The following ATP8A2 variants were observed in gnomAD, a reference collection of about 807,000 sequenced individuals.
The protein encoded by ATP8A2 is ATPase phospholipid transporting 8A2.
ATP8A2 carries 100 observed loss-of-function variants against 165.6 expected under a neutral mutation model. That is an observed-to-expected ratio of 0.60 (90% CI 0.51 to 0.71). The LOEUF (loss-of-function observed/expected upper bound fraction) is 0.71, where lower values mean the gene tolerates loss of function less well. Ranked by LOEUF, ATP8A2 falls within the 30% of genes least tolerant of loss-of-function variation. The pLI is 0.00. For missense variants in ATP8A2, 1,227 were observed against 1,479.5 expected (o/e 0.83, Z 2.80); for synonymous variants, 543 against 548.8 (o/e 0.99, Z 0.15).
At chr13:25,578,080 G>A (rs1209220745) in intron 20 of ATP8A2, among the ~76,000 whole-genome samples, 4 of 152,174 alleles carry the variant, frequency 2.6e-5, no homozygotes, top group Non-Finnish European at 4.4e-5. Context: ...TGTGTTCTAA[G>A]TACCACATCG....
At chr13:25,591,622 C>G (rs6491073) in intron 24 of ATP8A2, among the ~76,000 whole-genome samples, 89,481 of 145,686 alleles carry the variant, frequency 0.61, 28,629 homozygotes, top group Middle Eastern at 0.72. Context: ...GTCTCACTCT[C>G]TTGCCAGGTT....
At chr13:25,787,430 G>A (rs1237108067) in intron 27 of ATP8A2, among the ~76,000 whole-genome samples, 1 of 152,130 alleles carries the variant, frequency 6.6e-6, no homozygotes, top group Non-Finnish European at 1.5e-5. Flanking sequence ...CCATTGCATG[G>A]GTGTTTCACA....
At chr13:25,871,815 G>A (rs931308202) in intron 33 of ATP8A2, among the ~76,000 whole-genome samples, 11 of 152,262 alleles carry the variant, frequency 7.2e-5, no homozygotes, top group African/African-American at 2.2e-4. Context: ...AATCTAGGTC[G>A]CTTGTGTCTG....
chr13:25,871,991 C>G (rs1196003838), intron 33 of ATP8A2, among the ~76,000 whole-genome samples: 1 of 151,994 alleles, frequency 6.6e-6, no homozygotes, highest in Non-Finnish European at 1.5e-5. Context: ...AAAGACATCT[C>G]TCATGCAGGG....
At chr13:25,453,241 C>A (rs1448017745) in intron 1 of ATP8A2, among the ~76,000 whole-genome samples, 1 of 151,848 alleles carries the variant, frequency 6.6e-6, no homozygotes, top group Non-Finnish European at 1.5e-5. Flanking sequence ...ATACTCCTGC[C>A]TCAGCCTCCC....
intron 1 of ATP8A2, among the ~76,000 whole-genome samples, chr13:25,392,419 C>T (rs1344021525): frequency 6.6e-6 from 1 of 152,098 alleles, no homozygotes; most frequent in Non-Finnish European, 1.5e-5. Flanking sequence ...CTAAACAGTC[C>T]CATGGAAGAC....
chr13:25,933,233 T>C (rs1200630584), intron 33 of ATP8A2, among the ~76,000 whole-genome samples: 3 of 152,164 alleles, frequency 2.0e-5, no homozygotes, highest in Non-Finnish European at 2.9e-5. Flanking sequence ...CAGGGCCAGC[T>C]CAGTTTCCCA....
At chr13:25,471,293 GA>G (rs145404536) in intron 2 of ATP8A2, among the ~76,000 whole-genome samples, 13,100 of 145,182 alleles carry the variant, frequency 0.09, 926 homozygotes, top group African/African-American at 0.2. Flanking sequence ...AAGGCTGGGA[GA>G]AAAAAAAAAT....
At chr13:25,885,448 C>T (rs192060771) in intron 33 of ATP8A2, among the ~76,000 whole-genome samples, 64 of 152,190 alleles carry the variant, frequency 4.2e-4, no homozygotes, top group African/African-American at 1.4e-3. Flanking sequence ...CTTTTCCTGA[C>T]CCTGGCCCTC....
intron 35 of ATP8A2, among the ~76,000 whole-genome samples, chr13:25,992,548 G>A (rs1209742484): frequency 6.6e-6 from 1 of 151,990 alleles, no homozygotes; most frequent in Non-Finnish European, 1.5e-5. Context: ...TAGAAGAAAA[G>A]TTAATTTTAG....
chr13:26,013,289 C>G (rs1956888639), intron 36 of ATP8A2, among the ~76,000 whole-genome samples: 1 of 152,238 alleles, frequency 6.6e-6, no homozygotes, highest in Non-Finnish European at 1.5e-5. Context: ...CTCTCCACCC[C>G]CATCACGTGC....
At chr13:25,388,298 G>A (rs1462541947) in intron 1 of ATP8A2, among the ~76,000 whole-genome samples, 1 of 152,166 alleles carries the variant, frequency 6.6e-6, no homozygotes, top group Non-Finnish European at 1.5e-5. Context: ...CAGTTCCTGT[G>A]GTCAGGAGAG....
At chr13:25,524,947 C>T (rs1458357993) in intron 2 of ATP8A2, among the ~76,000 whole-genome samples, 18 of 144,540 alleles carry the variant, frequency 1.2e-4, no homozygotes, top group South Asian at 2.2e-4. Flanking sequence ...TCTTTCCTTC[C>T]GTCTTTCAGT....
At chr13:25,639,321 AG>A (rs2041452783) in intron 24 of ATP8A2, among the ~76,000 whole-genome samples, 1 of 152,206 alleles carries the variant, frequency 6.6e-6, no homozygotes, top group Non-Finnish European at 1.5e-5. Context: ...TTGGATTAAG[AG>A]TGAAGACCCA....
At chr13:25,971,253 C>T (rs1245331932) in intron 35 of ATP8A2, among the ~76,000 whole-genome samples, 2 of 152,048 alleles carry the variant, frequency 1.3e-5, no homozygotes, top group African/African-American at 2.4e-5. Flanking sequence ...ATAATGGTGG[C>T]GTGCTGCTCT....
At chr13:25,682,114 CA>C (rs2042501631) in intron 24 of ATP8A2, among the ~76,000 whole-genome samples, 1 of 152,068 alleles carries the variant, frequency 6.6e-6, no homozygotes, top group Non-Finnish European at 1.5e-5. Flanking sequence ...AAAAACACAC[CA>C]AAAACCCCGT....
intron 27 of ATP8A2, among the ~76,000 whole-genome samples, chr13:25,827,871 T>C (rs1489332539): frequency 2.6e-5 from 4 of 152,258 alleles, no homozygotes; most frequent in Non-Finnish European, 4.4e-5. Flanking sequence ...TCTATTTTTC[T>C]ATGAACATGT....
intron 2 of ATP8A2, among the ~76,000 whole-genome samples, chr13:25,523,513 G>C (rs1296411883): frequency 1.3e-5 from 2 of 152,186 alleles, no homozygotes; most frequent in East Asian, 3.9e-4. Flanking sequence ...TCTTTAATGG[G>C]AGGCTTCTTA....
At chr13:25,542,328 A>C (rs1320163383) in intron 9 of ATP8A2, among the ~76,000 whole-genome samples, 1 of 151,678 alleles carries the variant, frequency 6.6e-6, no homozygotes, top group Non-Finnish European at 1.5e-5. Flanking sequence ...AGCAGAGGAG[A>C]GTTATCTGAG....
Sources: gnomAD v4.1 joint callset for allele counts (sites outside exome capture counted in the v4.1 genomes callset) on GRCh38, gnomAD v4.1.1 for gene constraint, MANE v1.5 for transcripts, NCBI Gene and HGNC (gene_info 2026-07-23, HGNC 2026-07-21) for gene names.